Variants in ZC3H12B observed in about 807,000 individuals in gnomAD.
ZC3H12B encodes zinc finger CCCH-type containing 12B, also known as probable ribonuclease ZC3H12B.
ZC3H12B carries 7 observed loss-of-function variants against 43.9 expected under a neutral mutation model. That is an observed-to-expected ratio of 0.16 (90% CI 0.09 to 0.30). The LOEUF is 0.30. Among genes scored for constraint, ZC3H12B ranks in the 10% least tolerant of loss-of-function variants. The pLI, the probability that ZC3H12B is intolerant of heterozygous loss-of-function variation, is 1.00. For missense variants in ZC3H12B, 475 were observed against 670.2 expected (o/e 0.71, Z 3.22); for synonymous variants, 222 against 241.7 (o/e 0.92, Z 0.76).
intron 2 of ZC3H12B, among the ~76,000 whole-genome samples, chrX:65,389,389 T>A (rs980906385): frequency 1.8e-5 from 2 of 112,472 alleles, no homozygotes; most frequent in Middle Eastern, 4.6e-3. Flanking sequence ...CTCAGACTGC[T>A]GTGCTAGCAG....
At chrX:65,281,749 G>T in the ZC3H12B span, among the ~76,000 whole-genome samples, 2 of 112,127 alleles carry the variant, frequency 1.8e-5, no homozygotes, top group African/African-American at 6.5e-5. Context: ...AACACTTCAG[G>T]ATATTGGTCT....
At chrX:65,394,992 T>C (rs2066677349) in intron 2 of ZC3H12B, among the ~76,000 whole-genome samples, 1 of 111,609 alleles carries the variant, frequency 9.0e-6, no homozygotes, top group South Asian at 3.8e-4. Context: ...GGGAGTTCAA[T>C]TATGACTTGG....
chrX:65,319,182 G>T, the ZC3H12B span, among the ~76,000 whole-genome samples: 5 of 110,518 alleles, frequency 4.5e-5, no homozygotes, highest in African/African-American at 1.3e-4. Flanking sequence ...CTGCTAGCTA[G>T]ATTAATAAAG....
At chrX:65,260,172 G>T in the ZC3H12B span, among the ~76,000 whole-genome samples, 1 of 110,117 alleles carries the variant, frequency 9.1e-6, no homozygotes, top group Admixed American at 9.7e-5. Flanking sequence ...CACTACTAGA[G>T]AACTTATTAA....
chrX:65,074,476 T>C, the ZC3H12B span, among the ~76,000 whole-genome samples: 13 of 111,723 alleles, frequency 1.2e-4, no homozygotes, highest in South Asian at 1.1e-3. Context: ...TTAGTTGGGT[T>C]CTGTTGGGCT....
At chrX:65,131,627 T>C in the ZC3H12B span, among the ~76,000 whole-genome samples, 1 of 111,311 alleles carries the variant, frequency 9.0e-6, no homozygotes, top group East Asian at 2.8e-4. Flanking sequence ...TATGTAATGG[T>C]TTAGTCAGGA....
chrX:65,217,077 C>G, the ZC3H12B span, among the ~76,000 whole-genome samples: 1 of 111,432 alleles, frequency 9.0e-6, no homozygotes, highest in African/African-American at 3.3e-5. Flanking sequence ...TTGCTTCTCC[C>G]CCAACTCCAG....
intron 2 of ZC3H12B, among the ~76,000 whole-genome samples, chrX:65,378,520 C>T (rs939762315): frequency 9.0e-6 from 1 of 111,415 alleles, no homozygotes; most frequent in Admixed American, 9.5e-5. Context: ...ATTACCTTCA[C>T]TAAAAGGAAG....
chrX:65,198,439 A>G, the ZC3H12B span, among the ~76,000 whole-genome samples: 1 of 112,088 alleles, frequency 8.9e-6, no homozygotes, highest in Non-Finnish European at 1.9e-5. Context: ...TGTTGATGAA[A>G]TTCCTCAACG....
At chrX:65,460,518 C>T (rs185852578) in intron 3 of ZC3H12B, among the ~76,000 whole-genome samples, 36 of 111,684 alleles carry the variant, frequency 3.2e-4, no homozygotes, top group Admixed American at 3.0e-3. Context: ...GAGATATAGA[C>T]CAATGGCACA....
the ZC3H12B span, among the ~76,000 whole-genome samples, chrX:65,049,601 G>A: frequency 1.8e-5 from 2 of 111,401 alleles, no homozygotes; most frequent in Admixed American, 1.9e-4. Context: ...AAATCTTGGA[G>A]TGTGAGGTCT....
At chrX:65,329,090 T>C in the ZC3H12B span, among the ~76,000 whole-genome samples, 17 of 111,102 alleles carry the variant, frequency 1.5e-4, no homozygotes, top group Non-Finnish European at 2.1e-4. Flanking sequence ...GGTCAAATGG[T>C]ATTTCTAGTT....
the ZC3H12B span, among the ~76,000 whole-genome samples, chrX:65,235,605 T>G: frequency 9.0e-6 from 1 of 111,122 alleles, no homozygotes; most frequent in African/African-American, 3.3e-5. Context: ...TTGCCTGCTG[T>G]GGCTCTGCAC....
the ZC3H12B span, among the ~76,000 whole-genome samples, chrX:65,087,526 G>T: frequency 2.7e-5 from 3 of 111,508 alleles, no homozygotes; most frequent in Non-Finnish European, 5.7e-5. Context: ...AGGACACAGG[G>T]GCGATCGAGA....
At chrX:65,387,657 TTA>T (rs1316035831) in intron 2 of ZC3H12B, among the ~76,000 whole-genome samples, 1 of 112,086 alleles carries the variant, frequency 8.9e-6, no homozygotes, top group African/African-American at 3.2e-5. Context: ...GTTAATATTG[TTA>T]TGTGTGAATT....
the ZC3H12B span, among the ~76,000 whole-genome samples, chrX:65,277,313 A>G: frequency 9.0e-6 from 1 of 111,536 alleles, no homozygotes; most frequent in African/African-American, 3.3e-5. Context: ...GACCATTTAG[A>G]CAGCAAATCA....
the ZC3H12B span, among the ~76,000 whole-genome samples, chrX:65,149,994 A>G: frequency 9.1e-6 from 1 of 109,552 alleles, no homozygotes; most frequent in Non-Finnish European, 1.9e-5. Context: ...TTTATTAAAA[A>G]CTATTACCAT....
chrX:65,306,302 A>G, the ZC3H12B span, among the ~76,000 whole-genome samples: 49 of 112,360 alleles, frequency 4.4e-4, 1 homozygote, highest in Non-Finnish European at 1.1e-4. Flanking sequence ...TTTTGAGGAA[A>G]AGTTTGACAT....
the ZC3H12B span, among the ~76,000 whole-genome samples, chrX:65,106,428 A>G: frequency 9.0e-6 from 1 of 111,580 alleles, no homozygotes. Context: ...GTTTTAATTT[A>G]TCTTTTATGT....
Sources: allele counts gnomAD v4.1 joint callset (sites outside exome capture counted in the v4.1 genomes callset), GRCh38; gene constraint gnomAD v4.1.1; transcripts MANE v1.5; gene names NCBI Gene and HGNC (gene_info 2026-07-23, HGNC 2026-07-21).